The following TMEM132B variants were observed in gnomAD, a reference collection of about 807,000 sequenced individuals.
The protein encoded by TMEM132B is transmembrane protein 132B.
Under a neutral mutation model 90.8 loss-of-function variants are expected in TMEM132B, and 18 were observed. The observed-to-expected ratio is 0.20, with a 90% CI of 0.14 to 0.29. The LOEUF is 0.29. Ranked by LOEUF, TMEM132B falls within the 10% of genes least tolerant of loss-of-function variation. The pLI is 1.00. For missense variants in TMEM132B, 1,096 were observed against 1,326.8 expected (o/e 0.83, Z 2.70); for synonymous variants, 504 against 523.3 (o/e 0.96, Z 0.50).
intron 4 of TMEM132B, among the ~76,000 whole-genome samples, chr12:125,540,214 G>T (rs535422660): frequency 1.3e-5 from 2 of 152,094 alleles, no homozygotes; most frequent in Admixed American, 1.3e-4. Flanking sequence ...TATTTATTAA[G>T]ACTAGCTTTA....
Position 125,653,705 on chromosome 12 carries a change from A to G in TMEM132B, c.2247A>G (p.Lys749=). The change falls in exon 9 of 9, where the codon AAA becomes AAG. Residue 749 remains lysine (K), a synonymous_variant. Coordinates refer to ENST00000682704, the MANE Select transcript of TMEM132B (RefSeq NM_001366854.1). ...CTGTCCAGGCAAACCTTGAGTCCAA[A>G]TGGCCAATTGTGGTTGCAGAGGGTG... The part of the protein sequence containing the change: ...VVSVQANLES[K]WPIVVAEGEG... The G allele has an allele frequency of 6.2e-7, 1 of 1,614,176 alleles. No homozygotes were observed. Among genetic ancestry groups the G allele is most frequent in the Admixed American group, 1.7e-5 (1 of 60,016 alleles).
intron 4 of TMEM132B, among the ~76,000 whole-genome samples, chr12:125,528,591 T>C (rs969510856): frequency 6.6e-6 from 1 of 152,206 alleles, no homozygotes; most frequent in Non-Finnish European, 1.5e-5. Context: ...TCAACTCTCA[T>C]GCTGTCATGC....
intron 3 of TMEM132B, among the ~76,000 whole-genome samples, chr12:125,466,227 C>T (rs1015870136): frequency 6.6e-6 from 1 of 152,194 alleles, no homozygotes; most frequent in African/African-American, 2.4e-5. Flanking sequence ...AGGACCACTT[C>T]TGGCCATTCC....
chr12:125,528,676 C>G (rs978898791), intron 4 of TMEM132B, among the ~76,000 whole-genome samples: 12 of 152,166 alleles, frequency 7.9e-5, no homozygotes, highest in African/African-American at 2.9e-4. Context: ...GGGGCACTGA[C>G]CCCTCTACAG....
chr12:125,471,644 A>G (rs972382103), intron 3 of TMEM132B, among the ~76,000 whole-genome samples: 3 of 152,226 alleles, frequency 2.0e-5, no homozygotes, highest in Non-Finnish European at 2.9e-5. Context: ...CGCCCTGCTC[A>G]GTCAGGGTTA....
At chr12:125,196,524 A>G (rs1360406799) in intron 1 of TMEM132B, among the ~76,000 whole-genome samples, 3 of 152,232 alleles carry the variant, frequency 2.0e-5, no homozygotes, top group African/African-American at 7.2e-5. Flanking sequence ...CCTGGCCAAC[A>G]TAGCGAAACC....
intron 3 of TMEM132B, among the ~76,000 whole-genome samples, chr12:125,470,804 G>C (rs985795897): frequency 2.0e-5 from 3 of 152,162 alleles, no homozygotes; most frequent in African/African-American, 4.8e-5. Context: ...ACATGGTTTG[G>C]CTCCTTTGAC....
chr12:125,228,248 G>A (rs1217098503), intron 1 of TMEM132B, among the ~76,000 whole-genome samples: 2 of 152,140 alleles, frequency 1.3e-5, no homozygotes, highest in African/African-American at 2.4e-5. Flanking sequence ...GCTCGGACTG[G>A]CCAGAATTCC....
intron 4 of TMEM132B, among the ~76,000 whole-genome samples, chr12:125,562,553 C>A (rs1884559571): frequency 6.6e-6 from 1 of 152,186 alleles, no homozygotes; most frequent in Admixed American, 6.5e-5. Flanking sequence ...ATGTGGGACT[C>A]TTCCGTTCAC....
intron 3 of TMEM132B, among the ~76,000 whole-genome samples, chr12:125,446,044 A>G (rs1478743616): frequency 1.3e-5 from 2 of 152,234 alleles, no homozygotes; most frequent in Admixed American, 6.5e-5. Context: ...AGGTCTCTCC[A>G]GGCCCCCGCC....
At chr12:125,548,441 C>T (rs1884141851) in intron 4 of TMEM132B, among the ~76,000 whole-genome samples, 1 of 152,052 alleles carries the variant, frequency 6.6e-6, no homozygotes, top group Admixed American at 6.6e-5. Flanking sequence ...GATTTCCTGA[C>T]CCATTAATAG....
intron 3 of TMEM132B, among the ~76,000 whole-genome samples, chr12:125,461,222 G>C (rs1298330196): frequency 6.6e-6 from 1 of 152,210 alleles, no homozygotes; most frequent in Admixed American, 6.5e-5. Flanking sequence ...CTGAATTCAG[G>C]GAGATGCATT....
At chr12:125,582,016 A>T (rs540796786) in intron 4 of TMEM132B, among the ~76,000 whole-genome samples, 2 of 152,302 alleles carry the variant, frequency 1.3e-5, no homozygotes, top group East Asian at 3.9e-4. Context: ...GGACACATGT[A>T]AAAAACAAAC....
At chr12:125,495,158 A>G (rs1458373792) in intron 3 of TMEM132B, among the ~76,000 whole-genome samples, 7 of 58,598 alleles carry the variant, frequency 1.2e-4, no homozygotes, top group South Asian at 1.5e-3. Context: ...CTACTCCCTG[A>G]AAATGGCCGC....
chr12:125,369,462 A>C (rs953706391), intron 2 of TMEM132B, among the ~76,000 whole-genome samples: 2 of 152,244 alleles, frequency 1.3e-5, no homozygotes, highest in African/African-American at 4.8e-5. Context: ...TAATAACTGA[A>C]GCCTTGGAAA....
chr12:125,245,693 G>C (rs999703317), intron 1 of TMEM132B, among the ~76,000 whole-genome samples: 1 of 152,202 alleles, frequency 6.6e-6, no homozygotes, highest in Non-Finnish European at 1.5e-5. Flanking sequence ...CGGGGGATGG[G>C]GGGGGACTTA....
At chr12:125,387,450 A>T (rs1878873418) in intron 2 of TMEM132B, among the ~76,000 whole-genome samples, 1 of 152,194 alleles carries the variant, frequency 6.6e-6, no homozygotes, top group Non-Finnish European at 1.5e-5. Flanking sequence ...TGCCAACTGG[A>T]GCTTGGTCTT....
At chr12:125,506,519 A>T (rs1207959464) in intron 3 of TMEM132B, among the ~76,000 whole-genome samples, 2 of 152,208 alleles carry the variant, frequency 1.3e-5, no homozygotes, top group African/African-American at 2.4e-5. Flanking sequence ...CATGTAAATT[A>T]TAGTTGTTTT....
intron 1 of TMEM132B, among the ~76,000 whole-genome samples, chr12:125,240,750 C>A (rs981991784): frequency 6.6e-6 from 1 of 152,230 alleles, no homozygotes; most frequent in African/African-American, 2.4e-5. Flanking sequence ...CTCCCTGTGC[C>A]CCCTAAGTTT....
Sources: gnomAD v4.1 joint callset for allele counts (sites outside exome capture counted in the v4.1 genomes callset) on GRCh38, gnomAD v4.1.1 for gene constraint, MANE v1.5 for transcripts, NCBI Gene and HGNC (gene_info 2026-07-23, HGNC 2026-07-21) for gene names.